CDCA2: variants seen among roughly 807,000 people sequenced by gnomAD.
CDCA2 encodes the protein cell division cycle associated 2.
Under a neutral mutation model 67.0 loss-of-function variants are expected in CDCA2, and 44 were observed. The observed-to-expected ratio is 0.66, with a 90% CI of 0.52 to 0.84. The LOEUF (loss-of-function observed/expected upper bound fraction) is 0.84. CDCA2 is among the 40% of genes least tolerant of loss of function. The pLI is 0.00. For missense variants in CDCA2, 1,253 were observed against 1,203.2 expected, an observed-to-expected ratio of 1.04 and a Z score of -0.61; for synonymous variants, 447 against 418.7, an observed-to-expected ratio of 1.07 and a Z score of -0.82.
chr8:25,500,451 A>G (rs1474806863), intron 13 of CDCA2, among the ~76,000 whole-genome samples: 2 of 152,178 alleles, frequency 1.3e-5, no homozygotes, highest in South Asian at 2.1e-4. Context: ...CACAGTGCAT[A>G]CATATATCAA....
chr8:25,476,743 G>C (rs183747957), intron 7 of CDCA2, among the ~76,000 whole-genome samples: 38 of 151,946 alleles, frequency 2.5e-4, no homozygotes, highest in Admixed American at 2.4e-3. Context: ...TAGTAGAGAT[G>C]CTGTCTCACC....
Position 25,507,068 on chromosome 8 carries a change from C to A in CDCA2, c.2402C>A (p.Thr801Lys), listed in dbSNP as rs750340537. 2 of 1,613,906 alleles carry A rather than the reference C, an allele frequency of 1.2e-6. No homozygotes were observed. The highest frequency in any genetic ancestry group is 1.7e-6 in the Non-Finnish European group (2 of 1,179,948). Residue 801 changes from threonine (T) to lysine (K), a missense_variant, in exon 15 of 15, where the codon ACG becomes AAG. Physicochemically the swap from Thr to Lys is moderately conservative, Grantham distance 78 (BLOSUM62 -1). Transcript: ENST00000330560. ...HCLGDVLIEN[T>K]KESKSQSEDL... ...TTAGGAGATGTCTTAATTGAAAATACGAAAGAATCTAAAAGCCAGAGTGAG... is the reference window on the plus strand; with the variant it reads ...TTAGGAGATGTCTTAATTGAAAATAAGAAAGAATCTAAAAGCCAGAGTGAG...
At chr8:25,470,608 C>T (rs1803112720) in intron 7 of CDCA2, among the ~76,000 whole-genome samples, 6 of 152,092 alleles carry the variant, frequency 3.9e-5, no homozygotes, top group Admixed American at 2.6e-4. Context: ...TGATATTATA[C>T]AATTTCACAT....
In CDCA2 at chr8:25,488,578, T is replaced by G; in HGVS notation, c.1560T>G (p.Ser520Arg). ...RNQLVSVVEESVCNLLNTEVQ... is the reference protein window; with the variant it reads ...RNQLVSVVEERVCNLLNTEVQ... ...AATTGGTCAGTGTTGTAGAAGAGAG[T>G]GTTTGCAACTTATTGAATACAGAAG... The change falls in exon 13 of 15, where the codon AGT (serine) becomes AGG (arginine). Residue 520 changes from serine to arginine, a missense_variant. Ser to Arg is a moderately radical substitution (Grantham distance 110, BLOSUM62 -1). Transcript: ENST00000330560. 6.2e-7 allele frequency: 1 copy of G among 1,611,408 alleles called. No individual in the cohort carries two copies. The highest frequency in any genetic ancestry group is 8.5e-7 in the Non-Finnish European group (1 of 1,179,202).
At chr8:25,463,660 C>T (rs540755000) in intron 4 of CDCA2, among the ~76,000 whole-genome samples, 11 of 152,170 alleles carry the variant, frequency 7.2e-5, no homozygotes, top group African/African-American at 2.2e-4. Context: ...CAGCCTCCTA[C>T]GTTCTCCCTA....
Position 25,507,198 on chromosome 8 carries a change from G to A in CDCA2, c.2532G>A (p.Leu844=). Residue 844 remains leucine, a synonymous_variant, in exon 15 of 15, where the codon TTG becomes TTA. Transcript: ENST00000330560. ...MCYSDGRSLH[L]EKNGNHTPSS... is the part of the protein sequence containing the mutation. ...ATTCTGATGGTCGAAGTTTACATTT[G>A]GAAAAAAATGGAAATCACACACCAT... 1.2e-6 allele frequency: 2 copies of A among 1,614,088 alleles called. No individual in the cohort carries two copies. The highest frequency in any genetic ancestry group is 1.7e-6 in the Non-Finnish European group (2 of 1,180,014).
chr8:25,470,467 A>C (rs546030374), intron 7 of CDCA2, among the ~76,000 whole-genome samples: 1 of 152,262 alleles, frequency 6.6e-6, no homozygotes, highest in African/African-American at 2.4e-5. Flanking sequence ...CTGATAATTT[A>C]TTGTAATTGG....
intron 7 of CDCA2, among the ~76,000 whole-genome samples, chr8:25,470,521 T>C (rs1364528864): frequency 6.6e-6 from 1 of 152,204 alleles, no homozygotes; most frequent in Admixed American, 6.5e-5. Flanking sequence ...TTAACATGGT[T>C]TTATTCACAT....
chr8:25,481,174 C>G (rs1480094699), intron 8 of CDCA2, among the ~76,000 whole-genome samples: 2 of 143,964 alleles, frequency 1.4e-5, no homozygotes, highest in Non-Finnish European at 3.0e-5. Flanking sequence ...AATCCCCTGA[C>G]TTTGGAAGGC....
At chr8:25,499,844 C>T (rs1026285637) in intron 13 of CDCA2, among the ~76,000 whole-genome samples, 3 of 152,242 alleles carry the variant, frequency 2.0e-5, no homozygotes, top group South Asian at 4.1e-4. Context: ...TGGCTTCCCC[C>T]GGGGGTTCCA....
In CDCA2 at chr8:25,470,751, A is replaced by T. The variant is rs559258061; in HGVS notation, c.820+771A>T. On this transcript the variant is annotated intron_variant, in intron 7 of 14. Transcript: ENST00000330560. ...TGTTGTTTTTGGATTAAACAGCTGT[A>T]TGTGCTTTGTTTTTCTTTTTTTTTT... 8.7e-5 allele frequency among the ~76,000 whole-genome samples: 13 copies of T among 148,702 alleles called. No homozygotes were observed. The South Asian group carries it at 2.8e-3, about 32-fold the overall frequency.
At position 25,480,026 on chromosome 8, in the gene CDCA2, A is replaced by G; in HGVS notation, c.934A>G (p.Thr312Ala). ...DAVPDVRSPATPACRRDLPTP... is the reference protein window; with the variant it reads ...DAVPDVRSPAAPACRRDLPTP... ...AGTCCCTGATGTCAGGTCACCAGCT[A>G]CTCCAGCCTGCAGGAGGGACCTTCC... Residue 312 changes from threonine (T) to alanine (A), a missense_variant, in exon 8 of 15, where the codon ACT becomes GCT. Coordinates refer to ENST00000330560, the MANE Select transcript of CDCA2 (RefSeq NM_152562.4). 1 of 1,614,042 alleles carries G rather than the reference A, an allele frequency of 6.2e-7. No individual in the cohort carries two copies.
At position 25,480,019 on chromosome 8, in the gene CDCA2, A is replaced by G. The variant is rs953012548; in HGVS notation, c.927A>G (p.Ser309=). 1 of 1,614,192 alleles carries G rather than the reference A, an allele frequency of 6.2e-7. No homozygotes were observed. Among genetic ancestry groups the G allele is most frequent in the South Asian group, 1.1e-5 (1 of 91,084 alleles). ...CAGACGCAGTCCCTGATGTCAGGTC[A>G]CCAGCTACTCCAGCCTGCAGGAGGG... The part of the protein sequence containing the change: ...VSSDAVPDVR[S]PATPACRRDL... The change falls in exon 8 of 15, where the codon TCA becomes TCG. Residue 309 remains serine (S), a synonymous_variant. Transcript: ENST00000330560.
chr8:25,487,675 G>A (rs1237128879), intron 12 of CDCA2, among the ~76,000 whole-genome samples: 3 of 152,178 alleles, frequency 2.0e-5, no homozygotes, highest in South Asian at 4.1e-4. Context: ...CTCAGGAGGC[G>A]GAGCTTGCCG....
Position 25,507,089 on chromosome 8 carries a change from G to C in CDCA2, c.2423G>C (p.Ser808Thr). 6.2e-7 allele frequency: 1 copy of C among 1,614,160 alleles called. No individual in the cohort carries two copies. The highest frequency in any genetic ancestry group is 8.5e-7 in the Non-Finnish European group (1 of 1,180,024). ...IENTKESKSQSEDLGRKPMES... is the reference protein window; with the variant it reads ...IENTKESKSQTEDLGRKPMES... ...AATACGAAAGAATCTAAAAGCCAGA[G>C]TGAGGATTTGGGAAGAAAACCCATG... The change falls in exon 15 of 15, where the codon AGT becomes ACT. Residue 808 changes from serine to threonine, a missense_variant. Transcript: ENST00000330560.
chr8:25,491,963 A>G (rs1443108781), intron 13 of CDCA2, among the ~76,000 whole-genome samples: 1 of 152,012 alleles, frequency 6.6e-6, no homozygotes, highest in Admixed American at 6.6e-5. Flanking sequence ...ATGCTCGGCT[A>G]ATTTTTGTAT....
intron 7 of CDCA2, among the ~76,000 whole-genome samples, chr8:25,474,027 G>A (rs1002999550): frequency 6.6e-6 from 1 of 152,138 alleles, no homozygotes; most frequent in Non-Finnish European, 1.5e-5. Flanking sequence ...ACAATGATCT[G>A]GTTAAGAAAA....
chr8:25,480,407 A>G (rs976814237), intron 8 of CDCA2, among the ~76,000 whole-genome samples: 2 of 152,156 alleles, frequency 1.3e-5, no homozygotes, highest in Non-Finnish European at 1.5e-5. Context: ...TTGCACTAAC[A>G]TAATTATATG....
At chr8:25,467,727 C>T (rs995770444) in intron 5 of CDCA2, among the ~76,000 whole-genome samples, 4 of 151,926 alleles carry the variant, frequency 2.6e-5, no homozygotes, top group Admixed American at 6.6e-5. Context: ...TGTTTTCATT[C>T]CTTTCAGTTA....
Sources: allele counts gnomAD v4.1 joint callset (sites outside exome capture counted in the v4.1 genomes callset), GRCh38; gene constraint gnomAD v4.1.1; transcripts MANE v1.5; gene names NCBI Gene and HGNC (gene_info 2026-07-23, HGNC 2026-07-21).